Variants in RETREG3 observed in about 807,000 individuals in gnomAD.
RETREG3 encodes reticulophagy regulator family member 3, also known as reticulophagy regulator 3.
A neutral mutation model predicts 50.2 loss-of-function variants in RETREG3; 23 were observed. The ratio of observed to expected loss-of-function variants is 0.46; its 90% CI spans 0.33 to 0.65. The LOEUF (loss-of-function observed/expected upper bound fraction) is 0.65, where lower values mean the gene tolerates loss of function less well. Ranked by LOEUF, RETREG3 falls within the 30% of genes least tolerant of loss-of-function variation. The probability of loss-of-function intolerance (pLI) is 0.02; values close to 1 mark genes in which losing one functional copy is unlikely to be tolerated. For synonymous variants in RETREG3, 240 were observed against 234.4 expected, an observed-to-expected ratio of 1.02 and a Z score of -0.22; for missense variants, 546 against 598.0, an observed-to-expected ratio of 0.91 and a Z score of 0.91.
At chr17:42,603,172 G>C (rs1013057812) in intron 1 of RETREG3, among the ~76,000 whole-genome samples, 2 of 152,062 alleles carry the variant, frequency 1.3e-5, no homozygotes, top group African/African-American at 4.8e-5. Flanking sequence ...AGAAATTCCA[G>C]AACCAAACAT....
In RETREG3 at chr17:42,587,008, G is replaced by A. The variant is rs1443075557; in HGVS notation, c.378-117C>T. On this transcript the variant is annotated intron_variant, in intron 3 of 8. Transcript: ENST00000309428. ...GGGGTTTGGGGAGTGACTAGGCCCA[G>A]GTGCTTTGGAGGTGAAGCATGACTT... is the stretch of plus-strand genomic sequence containing the variant. 5 of 1,381,652 alleles carry A rather than the reference G, an allele frequency of 3.6e-6. No individual in the cohort carries two copies. In the Admixed American group the frequency reaches 7.1e-5, roughly 20 times the overall value. 85.6% of individuals were successfully genotyped at this position (1,381,652 alleles called of 1,614,324 possible).
intron 6 of RETREG3, 150 bp from the exon 7 acceptor site, chr17:42,583,730 T>A: frequency 1.7e-6 from 1 of 583,858 alleles, no homozygotes; most frequent in Non-Finnish European, 2.8e-6. Flanking sequence ...GCTGAGCTGC[T>A]GAGCCTAAAT....
chr17:42,587,679 C>A, intron 3 of RETREG3, 155 bp downstream of exon 3: 1 of 830,722 alleles, frequency 1.2e-6, no homozygotes, highest in East Asian at 2.7e-5. Context: ...CATATTGCTG[C>A]CTGAACTTTA....
intron 4 of RETREG3, 75 bp downstream of exon 4, chr17:42,586,683 CACATAGT>C: frequency 6.6e-7 from 1 of 1,521,920 alleles, no homozygotes; most frequent in Non-Finnish European, 8.9e-7. Context: ...TGAATGAAGA[CACATAGT>C]AAAGGAGCTG....
intron 2 of RETREG3, among the ~76,000 whole-genome samples, chr17:42,591,559 C>T (rs892498978): frequency 3.3e-5 from 5 of 151,976 alleles, no homozygotes; most frequent in African/African-American, 9.7e-5. Flanking sequence ...AGGCTGGGCT[C>T]GAACTCCTGA....
Position 42,583,482 on chromosome 17 carries a change from C to T in RETREG3, c.810+16G>A. ...AAGAAAACTGGACAGTGAAGCAGCT[C>T]CCACACTCAAGATACCTGAGGACAG... On this transcript the variant is annotated intron_variant, in intron 7 of 8. Transcript: ENST00000309428. 1 of 1,611,954 alleles carries T rather than the reference C, an allele frequency of 6.2e-7. No individual in the cohort carries two copies. Among genetic ancestry groups the T allele is most frequent in the Non-Finnish European group, 8.5e-7 (1 of 1,178,582 alleles).
chr17:42,593,024 T>A (rs1319587296), intron 1 of RETREG3, among the ~76,000 whole-genome samples: 1 of 151,994 alleles, frequency 6.6e-6, no homozygotes, highest in Non-Finnish European at 1.5e-5. Flanking sequence ...TCTCCAGAAT[T>A]AACACAAATG....
At chr17:42,582,868 AC>A in intron 7 of RETREG3, 62 bp from the exon 8 acceptor site, 1 of 1,597,250 alleles carries the variant, frequency 6.3e-7, no homozygotes. Flanking sequence ...GTCACCAGGT[AC>A]AGCTTTACTA....
chr17:42,590,331 A>T (rs868794097), intron 2 of RETREG3, among the ~76,000 whole-genome samples: 6 of 152,222 alleles, frequency 3.9e-5, no homozygotes, highest in Middle Eastern at 3.4e-3. Flanking sequence ...TGATCATGCC[A>T]CTGTACTCCA....
In RETREG3 at chr17:42,609,075, A is replaced by C. The variant is rs768656318; in HGVS notation, c.239+11T>G. 6.2e-7 allele frequency: 1 copy of C among 1,602,872 alleles called. No homozygotes were observed. Among genetic ancestry groups the C allele is most frequent in the Non-Finnish European group, 8.5e-7 (1 of 1,179,294 alleles). On this transcript the variant is annotated intron_variant, in intron 1 of 8. Coordinates refer to ENST00000309428, the MANE Select transcript of RETREG3 (RefSeq NM_178126.4). Reference sequence around the variant, plus strand: ...GGACTCGGAGGGTTTCCGAGGGTCCAGTTCTCTCACCAGAAAGCCGCGTTC... The same window carrying C: ...GGACTCGGAGGGTTTCCGAGGGTCCCGTTCTCTCACCAGAAAGCCGCGTTC...
intron 6 of RETREG3, 26 bp downstream of exon 6, chr17:42,585,099 G>A (rs4792992): frequency 0.38 from 616,696 of 1,606,610 alleles, 121,495 homozygotes; most frequent in East Asian, 0.53. Flanking sequence ...TTGCGTAAGT[G>A]GAAAGAATGA....
At chr17:42,588,781 C>T (rs1240278304) in intron 2 of RETREG3, among the ~76,000 whole-genome samples, 4 of 152,130 alleles carry the variant, frequency 2.6e-5, no homozygotes, top group African/African-American at 9.7e-5. Context: ...CCTCAGCCTC[C>T]CAAGTAGCTG....
chr17:42,585,098 T>G lies in RETREG3; in HGVS notation c.727+27A>C, dbSNP rs1379194103. On this transcript the variant is annotated intron_variant, in intron 6 of 8. Coordinates refer to ENST00000309428, the MANE Select transcript of RETREG3 (RefSeq NM_178126.4). ...TCCTTTTCGCCCCAAATTGCGTAAG[T>G]GGAAAGAATGACACCATGACACTTA... 4.4e-6 allele frequency: 7 copies of G among 1,607,368 alleles called. 1 individual carries two copies. In the South Asian group the frequency reaches 7.7e-5, roughly 18 times the overall value.
In RETREG3 at chr17:42,580,445, C is replaced by T. The variant is rs2093104966; in HGVS notation, c.*1368G>A. The stretch of plus-strand genomic sequence containing the variant: ...TAGAAATGAGTATGGTATTGCTTTG[C>T]TCACTGCTGAGGCTGATGGCCAGAT... On this transcript the variant is annotated 3_prime_UTR_variant, in exon 9 of 9. Coordinates refer to ENST00000309428, the MANE Select transcript of RETREG3 (RefSeq NM_178126.4). 1 of 152,748 alleles carries T rather than the reference C, an allele frequency of 6.5e-6. No homozygotes were observed. Among genetic ancestry groups the T allele is most frequent in the African/African-American group, 2.4e-5 (1 of 41,378 alleles). 9.5% of individuals were successfully genotyped at this position (152,748 alleles called of 1,614,324 possible).
At chr17:42,586,674 G>A in intron 4 of RETREG3, 91 bp downstream of exon 4, 1 of 1,495,552 alleles carries the variant, frequency 6.7e-7, no homozygotes, top group Non-Finnish European at 9.0e-7. Context: ...TTACTTTCTT[G>A]AATGAAGACA....
intron 1 of RETREG3, among the ~76,000 whole-genome samples, chr17:42,594,726 C>G (rs1205227266): frequency 6.6e-6 from 1 of 151,476 alleles, no homozygotes; most frequent in African/African-American, 2.4e-5. Context: ...TGGCAGGTGC[C>G]TGTAGTCCCA....
At chr17:42,588,780 C>T (rs553078952) in intron 2 of RETREG3, among the ~76,000 whole-genome samples, 29 of 152,282 alleles carry the variant, frequency 1.9e-4, no homozygotes, top group Non-Finnish European at 3.2e-4. Flanking sequence ...GCCTCAGCCT[C>T]CCAAGTAGCT....
chr17:42,588,522 C>CAATTA (rs2093125819), intron 2 of RETREG3, among the ~76,000 whole-genome samples: 1 of 152,116 alleles, frequency 6.6e-6, no homozygotes. Flanking sequence ...AGGCACACGC[C>CAATTA]ACCATACCTG....
intron 2 of RETREG3, among the ~76,000 whole-genome samples, chr17:42,588,857 A>G (rs1351779147): frequency 1.3e-5 from 2 of 152,218 alleles, no homozygotes; most frequent in East Asian, 1.9e-4. Context: ...GGTTTTTGCT[A>G]TGTTGGCCAG....
Sources: gnomAD v4.1 joint callset for allele counts (sites outside exome capture counted in the v4.1 genomes callset) on GRCh38, gnomAD v4.1.1 for gene constraint, MANE v1.5 for transcripts, NCBI Gene and HGNC (gene_info 2026-07-23, HGNC 2026-07-21) for gene names.